The following EPS15 variants were observed in gnomAD, a reference collection of about 807,000 sequenced individuals.
The protein encoded by EPS15 is epidermal growth factor receptor pathway substrate 15.
A neutral mutation model predicts 113.8 loss-of-function variants in EPS15; 72 were observed. The observed-to-expected ratio is 0.63, with a 90% confidence interval of 0.52 to 0.77. The LOEUF is 0.77. Among genes scored for constraint, EPS15 ranks in the 30% least tolerant of loss-of-function variants. The pLI is 0.00. For missense variants in EPS15, 1,048 were observed against 1,045.8 expected (o/e 1.00, Z -0.03); for synonymous variants, 344 against 363.4 (o/e 0.95, Z 0.61).
intron 1 of EPS15, among the ~76,000 whole-genome samples, chr1:51,510,712 C>T (rs772131261): frequency 2.6e-5 from 4 of 152,178 alleles, no homozygotes; most frequent in Admixed American, 1.3e-4. Context: ...TTCACAATTT[C>T]AGGTTGCCTT....
chr1:51,467,435 T>A (rs773916870), intron 5 of EPS15, among the ~76,000 whole-genome samples: 27 of 152,052 alleles, frequency 1.8e-4, no homozygotes, highest in Non-Finnish European at 2.9e-4. Context: ...TAAAAGCCTA[T>A]CAATAGAAAG....
At chr1:51,413,659 T>C (rs1649949775) in intron 13 of EPS15, among the ~76,000 whole-genome samples, 1 of 152,254 alleles carries the variant, frequency 6.6e-6, no homozygotes, top group African/African-American at 2.4e-5. Flanking sequence ...TGATTCAGTA[T>C]TTTTATAATC....
intron 5 of EPS15, among the ~76,000 whole-genome samples, chr1:51,467,966 T>C (rs980137183): frequency 2.0e-5 from 3 of 151,848 alleles, no homozygotes; most frequent in East Asian, 1.9e-4. Flanking sequence ...TTTATATATA[T>C]ATATTTTTTT....
At chr1:51,452,918 C>T (rs1452671446) in intron 8 of EPS15, among the ~76,000 whole-genome samples, 1 of 152,170 alleles carries the variant, frequency 6.6e-6, no homozygotes, top group East Asian at 1.9e-4. Flanking sequence ...CAAGGTTGGG[C>T]CTGAGAATTT....
At chr1:51,409,255 A>G (rs769511489) in intron 14 of EPS15, among the ~76,000 whole-genome samples, 13 of 152,118 alleles carry the variant, frequency 8.5e-5, no homozygotes, top group Non-Finnish European at 1.8e-4. Context: ...GGTTTTCGTA[A>G]AGAAGGGTAA....
At chr1:51,368,751 C>A (rs1646570609) in intron 21 of EPS15, among the ~76,000 whole-genome samples, 1 of 152,090 alleles carries the variant, frequency 6.6e-6, no homozygotes, top group Non-Finnish European at 1.5e-5. Flanking sequence ...GTGTGTGCCA[C>A]CACACCTGGC....
chr1:51,469,808 T>C (rs1488961380), intron 4 of EPS15, among the ~76,000 whole-genome samples: 3 of 152,090 alleles, frequency 2.0e-5, no homozygotes, highest in Non-Finnish European at 4.4e-5. Context: ...CTCCCATGAT[T>C]AGCTAGAAAA....
Position 51,463,731 on chromosome 1 carries a change from C to A in EPS15, c.443G>T (p.Gly148Val). The A allele has an allele frequency of 6.2e-7, 1 of 1,602,360 alleles. No homozygotes were observed. Among genetic ancestry groups the A allele is most frequent in the Non-Finnish European group, 8.5e-7 (1 of 1,169,944 alleles). Residue 148 changes from glycine (G) to valine (V), a missense_variant, in exon 7 of 25, where the codon GGT (glycine) becomes GTT (valine). Coordinates refer to ENST00000371733, the MANE Select transcript of EPS15 (RefSeq NM_001981.3). ...GAGCAACACTGGTTTCACTTTATCACCAGACAGAAATCCATTCACTGGGCT... is the reference window on the plus strand; with the variant it reads ...GAGCAACACTGGTTTCACTTTATCAACAGACAGAAATCCATTCACTGGGCT... The part of the protein sequence containing the change: ...SLSPVNGFLS[G>V]DKVKPVLLNS...
At chr1:51,518,904 C>T (rs1170484265) in intron 1 of EPS15, among the ~76,000 whole-genome samples, 1 of 151,492 alleles carries the variant, frequency 6.6e-6, no homozygotes, top group African/African-American at 2.4e-5. Context: ...ACCGGCAGAG[C>T]GCGGCCGGGT....
Position 51,363,133 on chromosome 1 carries a change from G to A in EPS15, c.2359+733C>T, listed in dbSNP as rs111810179. Among the ~76,000 whole-genome samples, 1,112 of 151,606 alleles carry A rather than the reference G, an allele frequency of 7.3e-3. 13 individuals carry two copies. Among genetic ancestry groups the A allele is most frequent in the African/African-American group, 0.026 (1,069 of 41,334 alleles). ...GCCAACATGGTGAAACCCCATCTCT[G>A]CTAAAAATACAAAAATTAGCCAGGC... is the stretch of plus-strand genomic sequence containing the variant. On this transcript the variant is annotated intron_variant, in intron 23 of 24. Coordinates refer to ENST00000371733, the MANE Select transcript of EPS15 (RefSeq NM_001981.3).
intron 1 of EPS15, among the ~76,000 whole-genome samples, chr1:51,489,735 T>A (rs948400737): frequency 3.9e-5 from 6 of 152,156 alleles, no homozygotes; most frequent in South Asian, 2.1e-4. Flanking sequence ...TTTGGCCATA[T>A]AACTTGTTTT....
At chr1:51,365,121 C>T (rs111459397) in intron 22 of EPS15, among the ~76,000 whole-genome samples, 2,836 of 152,258 alleles carry the variant, frequency 0.019, 88 homozygotes, top group African/African-American at 0.064. Flanking sequence ...CATGAGCCAC[C>T]GCGCCTGGCT....
chr1:51,421,060 G>A (rs1040540530), intron 13 of EPS15, among the ~76,000 whole-genome samples: 5 of 151,990 alleles, frequency 3.3e-5, no homozygotes, highest in African/African-American at 1.2e-4. Context: ...CCAATAACAT[G>A]GCCACATGCA....
intron 1 of EPS15, among the ~76,000 whole-genome samples, chr1:51,509,515 C>G (rs920651571): frequency 1.3e-5 from 2 of 152,096 alleles, no homozygotes; most frequent in Non-Finnish European, 2.9e-5. Context: ...GCTAATGGTT[C>G]CAGGTTTTAG....
At chr1:51,379,711 G>A (rs1646891906) in intron 21 of EPS15, among the ~76,000 whole-genome samples, 1 of 151,942 alleles carries the variant, frequency 6.6e-6, no homozygotes, top group South Asian at 2.1e-4. Flanking sequence ...AAGGTCAGGA[G>A]TTTGAGACCA....
chr1:51,375,133 C>G (rs562277981), intron 21 of EPS15, among the ~76,000 whole-genome samples: 1 of 151,266 alleles, frequency 6.6e-6, no homozygotes, highest in Non-Finnish European at 1.5e-5. Context: ...TCCCAAGTAG[C>G]TGGGACTACA....
chr1:51,364,266 A>G (rs571266509), intron 22 of EPS15, among the ~76,000 whole-genome samples: 6 of 152,270 alleles, frequency 3.9e-5, no homozygotes, highest in Non-Finnish European at 5.9e-5. Context: ...CAAACCAAAA[A>G]CAGCTCAATC....
intron 12 of EPS15, among the ~76,000 whole-genome samples, chr1:51,430,977 TACACACACACACACAC>T (rs67920039): frequency 1.1e-3 from 131 of 122,086 alleles, no homozygotes; most frequent in Middle Eastern, 4.1e-3. Context: ...ATTACTTACA[TACACACACACACACAC>T]ACACACACAC....
intron 21 of EPS15, among the ~76,000 whole-genome samples, chr1:51,383,493 G>A (rs1342187889): frequency 6.6e-6 from 1 of 152,218 alleles, no homozygotes; most frequent in Non-Finnish European, 1.5e-5. Context: ...ATCATCAGGT[G>A]TTAGATTCTC....
Sources: gnomAD v4.1 joint callset for allele counts (sites outside exome capture counted in the v4.1 genomes callset) on GRCh38, gnomAD v4.1.1 for gene constraint, MANE v1.5 for transcripts, NCBI Gene and HGNC (gene_info 2026-07-23, HGNC 2026-07-21) for gene names.